ATP6V0A1: variants seen among roughly 807,000 people sequenced by gnomAD.
ATP6V0A1 encodes V-type proton ATPase 116 kDa subunit a 1.
In ATP6V0A1, 43 loss-of-function variants were observed where a neutral mutation model predicts 105.4. The observed-to-expected ratio is 0.41, with a 90% CI of 0.32 to 0.53. The LOEUF is 0.53. ATP6V0A1 is among the 20% of genes least tolerant of loss of function. ATP6V0A1 has a pLI of 0.30. For missense variants in ATP6V0A1, 676 were observed against 1,051.1 expected, an observed-to-expected ratio of 0.64 and a Z score of 4.93; for synonymous variants, 362 against 372.8, an observed-to-expected ratio of 0.97 and a Z score of 0.33.
chr17:42,520,888 T>G, intron 21 of ATP6V0A1, 139 bp from the exon 22 acceptor site: 2 of 740,060 alleles, frequency 2.7e-6, no homozygotes, highest in Non-Finnish European at 4.6e-6. Flanking sequence ...CTCTGCACTC[T>G]GGGCTTTCTC....
At chr17:42,471,085 T>G (rs1448221152) in intron 5 of ATP6V0A1, 1 of 150,276 alleles carries the variant, frequency 6.7e-6, no homozygotes, top group African/African-American at 2.5e-5. Flanking sequence ...ATTGCTCCAC[T>G]GCACTCCAGC....
intron 11 of ATP6V0A1, among the ~76,000 whole-genome samples, chr17:42,492,593 C>T (rs12949604): frequency 0.23 from 34,655 of 150,186 alleles, 4,266 homozygotes; most frequent in Non-Finnish European, 0.28. Flanking sequence ...GTAATCTCAG[C>T]GACTCGGGAG....
chr17:42,508,233 A>G (rs1174567108), intron 18 of ATP6V0A1, among the ~76,000 whole-genome samples: 1 of 152,224 alleles, frequency 6.6e-6, no homozygotes, highest in Non-Finnish European at 1.5e-5. Context: ...GAACTGAACT[A>G]TTAAATCTCA....
chr17:42,491,224 T>C (rs2090593005), intron 11 of ATP6V0A1, among the ~76,000 whole-genome samples: 1 of 152,110 alleles, frequency 6.6e-6, no homozygotes, highest in Non-Finnish European at 1.5e-5. Flanking sequence ...TGTTCATTGT[T>C]TCTTCTAATG....
chr17:42,478,530 CG>C lies in ATP6V0A1; in HGVS notation c.578del (p.Gly193GlufsTer18). On this transcript the variant is annotated frameshift_variant, in exon 7 of 22. Coordinates refer to ENST00000343619, the MANE Select transcript of ATP6V0A1 (RefSeq NM_001130021.3). LOFTEE classifies it high-confidence loss of function. The part of the protein sequence containing the change: ...TFERMLWRVC[R>X]GNVFLRQAEI... ...TGAGCGCATGCTTTGGCGGGTATGC[CG>C]GGGAAATGTGTTCCTGCGACAGGCT... is the stretch of plus-strand genomic sequence containing the variant. The C allele has an allele frequency of 6.2e-7, 1 of 1,610,086 alleles. No individual in the cohort carries two copies. Among genetic ancestry groups the C allele is most frequent in the Non-Finnish European group, 8.5e-7 (1 of 1,177,728 alleles).
intron 8 of ATP6V0A1, among the ~76,000 whole-genome samples, chr17:42,482,821 C>T (rs2089684694): frequency 6.7e-6 from 1 of 149,100 alleles, no homozygotes; most frequent in African/African-American, 2.5e-5. Flanking sequence ...CACTTGAACC[C>T]AGGGGCAGAG....
intron 5 of ATP6V0A1, among the ~76,000 whole-genome samples, chr17:42,474,910 T>G (rs886234237): frequency 1.3e-5 from 2 of 152,218 alleles, no homozygotes; most frequent in African/African-American, 2.4e-5. Context: ...TTTGACTTAG[T>G]CATTTCTTAT....
intron 17 of ATP6V0A1, among the ~76,000 whole-genome samples, chr17:42,502,045 CCAAA>C (rs1189679421): frequency 3.3e-5 from 5 of 151,982 alleles, no homozygotes. Flanking sequence ...AAACAAAAAA[CCAAA>C]CAAACAAAAC....
intron 5 of ATP6V0A1, among the ~76,000 whole-genome samples, chr17:42,477,175 G>A (rs1434846300): frequency 1.1e-4 from 16 of 152,144 alleles, no homozygotes; most frequent in Non-Finnish European, 1.5e-4. Context: ...ACATTCTCAC[G>A]TAGGGAAAAT....
chr17:42,488,205 A>G (rs2090296914), intron 10 of ATP6V0A1, among the ~76,000 whole-genome samples: 1 of 152,204 alleles, frequency 6.6e-6, no homozygotes, highest in African/African-American at 2.4e-5. Flanking sequence ...GAAGAATGAT[A>G]AGTTGTTGGT....
chr17:42,517,114 T>C (rs992871367), intron 21 of ATP6V0A1, among the ~76,000 whole-genome samples: 28 of 152,102 alleles, frequency 1.8e-4, no homozygotes, highest in African/African-American at 6.8e-4. Flanking sequence ...ACCCCATCTC[T>C]ACTAAAAATG....
At chr17:42,498,813 G>A (rs769491697) in intron 14 of ATP6V0A1, 111 bp from the exon 15 acceptor site, 137 of 705,786 alleles carry the variant, frequency 1.9e-4, no homozygotes, top group Non-Finnish European at 2.8e-4. Flanking sequence ...GTGACAGAGC[G>A]AGACTCGTCT....
rs2092821402 is a variant in ATP6V0A1, at chr17:42,521,041, A to G, written c.2435A>G (p.Asn812Ser). ...ALRLHWVEFQ[N>S]KFYSGTGFKF... ...TCTTTCTCCAGGGTTGAGTTCCAGAATAAATTCTACAGCGGGACCGGTTTC... is the reference window on the plus strand; with the variant it reads ...TCTTTCTCCAGGGTTGAGTTCCAGAGTAAATTCTACAGCGGGACCGGTTTC... Residue 812 changes from asparagine (N) to serine (S), a missense_variant, in exon 22 of 22, where the codon AAT becomes AGT. Physicochemically the swap from Asn to Ser is conservative, Grantham distance 46 (BLOSUM62 1). Around this residue, in one of 3 missense-constraint regions of ATP6V0A1, gnomAD observed 435 missense variants for 642.2 expected, o/e 0.68. Coordinates refer to ENST00000343619, the MANE Select transcript of ATP6V0A1 (RefSeq NM_001130021.3). This position sits in a 1 kb window ranked among gnomAD's most constrained non-coding sequence, Gnocchi z 4.8. The G allele has an allele frequency of 1.9e-6, 3 of 1,603,360 alleles. No individual in the cohort carries two copies.
intron 21 of ATP6V0A1, among the ~76,000 whole-genome samples, chr17:42,517,428 C>T (rs570154891): frequency 6.6e-6 from 1 of 152,270 alleles, no homozygotes; most frequent in African/African-American, 2.4e-5. Flanking sequence ...ATCAGAATGC[C>T]CTCAGGTGCT....
Position 42,490,484 on chromosome 17 carries a change from C to T in ATP6V0A1, c.1024-3C>T, listed in dbSNP as rs759773063. 1.9e-6 allele frequency: 3 copies of T among 1,593,792 alleles called. No homozygotes were observed. The highest frequency in any genetic ancestry group is 8.5e-7 in the Non-Finnish European group (1 of 1,173,478). ...GTTTGATAAATGTGCTAATGTTTTT[C>T]AGGAACACAGTGGTTCCACTGTACC... On this transcript the variant is annotated splice_region_variant and splice_polypyrimidine_tract_variant and intron_variant, in intron 10 of 21. Transcript: ENST00000343619.
chr17:42,482,427 G>A lies in ATP6V0A1; in HGVS notation c.717-611G>A, dbSNP rs1442063447. 4.6e-5 allele frequency among the ~76,000 whole-genome samples: 7 copies of A among 152,100 alleles called. 1 individual carries two copies. In the South Asian group the frequency reaches 8.3e-4, roughly 18 times the overall value. ...CTCCCAAAGTGCTGGGATTACAGGCGTGAGCCACTGCACCTGGTCTAGGGG... is the reference window on the plus strand; with the variant it reads ...CTCCCAAAGTGCTGGGATTACAGGCATGAGCCACTGCACCTGGTCTAGGGG... On this transcript the variant is annotated intron_variant, in intron 8 of 21. Transcript: ENST00000343619.
intron 1 of ATP6V0A1, 140 bp downstream of exon 1, chr17:42,459,103 C>T (rs2086082553): frequency 6.6e-6 from 1 of 152,292 alleles, no homozygotes; most frequent in Admixed American, 6.5e-5. Context: ...TCGCCCCCTC[C>T]TTGGGCACCC....
At chr17:42,492,381 C>G (rs1014796395) in intron 11 of ATP6V0A1, among the ~76,000 whole-genome samples, 10 of 150,832 alleles carry the variant, frequency 6.6e-5, no homozygotes, top group African/African-American at 2.2e-4. Flanking sequence ...ATGTAAGGGG[C>G]AGGTTTACTG....
At chr17:42,483,191 C>T (rs1365903534) in intron 9 of ATP6V0A1, 60 bp downstream of exon 9, 1 of 1,286,146 alleles carries the variant, frequency 7.8e-7, no homozygotes, top group Non-Finnish European at 1.0e-6. Context: ...AGACCATTAT[C>T]CTTCCTTGAA....
Sources: gnomAD v4.1 joint callset for allele counts (sites outside exome capture counted in the v4.1 genomes callset) on GRCh38, gnomAD v4.1.1 for gene constraint, gnomAD v4.1.1 regional missense constraint, Gnocchi (gnomAD v3.1) non-coding constraint, MANE v1.5 for transcripts, NCBI Gene and HGNC (gene_info 2026-07-23, HGNC 2026-07-21) for gene names.